SIAE: variants seen among roughly 807,000 people sequenced by gnomAD.
SIAE encodes sialate O-acetylesterase.
SIAE carries 39 observed loss-of-function variants against 52.6 expected under a neutral mutation model. That is an observed-to-expected ratio of 0.74 (90% CI 0.57 to 0.97). SIAE has a LOEUF of 0.97. Among genes scored for constraint, SIAE ranks in the 50% least tolerant of loss-of-function variants. SIAE has a pLI of 0.00. For synonymous variants in SIAE, 233 were observed against 241.4 expected, an observed-to-expected ratio of 0.97 and a Z score of 0.32; for missense variants, 592 against 662.1, an observed-to-expected ratio of 0.89 and a Z score of 1.16.
chr11:124,669,566 A>G (rs373618005), intron 1 of SIAE, 45 bp from the exon 2 acceptor site: 1 of 1,560,782 alleles, frequency 6.4e-7, no homozygotes, highest in African/African-American at 1.4e-5. Flanking sequence ...TCGGAGAGAT[A>G]TAGCACCAAC....
chr11:124,666,340 T>G (rs993016956), intron 2 of SIAE, among the ~76,000 whole-genome samples: 10 of 152,170 alleles, frequency 6.6e-5, no homozygotes, highest in African/African-American at 2.4e-4. Flanking sequence ...CCCTCCAATA[T>G]TCTCTGTGGT....
intron 7 of SIAE, among the ~76,000 whole-genome samples, chr11:124,644,353 G>GAAAAAA (rs370589585): frequency 9.8e-6 from 1 of 102,156 alleles, no homozygotes; most frequent in Non-Finnish European, 2.1e-5. Flanking sequence ...TCTGTGGTGA[G>GAAAAAA]AAAAAAAAAA....
At chr11:124,651,240 A>G (rs758349869) in intron 4 of SIAE, among the ~76,000 whole-genome samples, 22 of 152,098 alleles carry the variant, frequency 1.4e-4, no homozygotes, top group Non-Finnish European at 2.8e-4. Context: ...TCATAGGTCT[A>G]TTAGTTGATA....
intron 3 of SIAE, among the ~76,000 whole-genome samples, chr11:124,658,568 CTTA>C (rs1041368370): frequency 2.0e-5 from 3 of 152,174 alleles, no homozygotes; most frequent in Non-Finnish European, 4.4e-5. Flanking sequence ...CCTACCCTGA[CTTA>C]GGAGGCGACA....
intron 4 of SIAE, 189 bp downstream of exon 4, chr11:124,654,463 GGAA>G (rs1943065019): frequency 1.0e-6 from 1 of 985,312 alleles, no homozygotes; most frequent in Non-Finnish European, 1.2e-6. Context: ...ACAGCAAGAG[GGAA>G]GATTTGTTGG....
rs1175741324 is a variant in SIAE at position 124,645,806 on chromosome 11, AG to A, written c.966+1558del. ...AGGAGCTGCTACTTTGAAAATAATG[AG>A]CAGAATAATCTTATTTCAAAGTCAG... On this transcript the variant is annotated intron_variant, in intron 7 of 9. Transcript: ENST00000263593. The surrounding 1 kb of genome is among the most constrained non-coding windows in gnomAD (Gnocchi z 4.7). Among the ~76,000 whole-genome samples the A allele has an allele frequency of 6.6e-6, 1 of 152,230 alleles. No individual in the cohort carries two copies. Among genetic ancestry groups the A allele is most frequent in the Non-Finnish European group, 1.5e-5 (1 of 68,044 alleles).
At chr11:124,638,794 T>C (rs1942795340) in intron 8 of SIAE, 57 bp from the exon 9 acceptor site, 1 of 1,417,180 alleles carries the variant, frequency 7.1e-7, no homozygotes, top group Admixed American at 1.7e-5. Context: ...ATCACCACAT[T>C]TTTTTAAAAG....
Position 124,673,700 on chromosome 11 carries a change from C to A in SIAE, c.9G>T (p.Ala3=), listed in dbSNP as rs770643480. 4.3e-6 allele frequency: 7 copies of A among 1,613,408 alleles called. No homozygotes were observed. In the Admixed American group the frequency reaches 5.0e-5, roughly 12 times the overall value. MV[A]PGLVLGLVLP... ...GCACCAGCCCGAGTACAAGCCCCGG[C>A]GCGACCATGCTTGCAAGGATCTGAC... Residue 3 remains alanine (A), a synonymous_variant, in exon 1 of 10, where the codon GCG becomes GCT. Transcript: ENST00000263593.
chr11:124,673,838 C>G (rs1435281475), upstream of SIAE: 2 of 919,972 alleles, frequency 2.2e-6, no homozygotes, highest in African/African-American at 3.5e-5. Context: ...CAGGACTGGG[C>G]TGTACTCGCC....
At chr11:124,658,383 C>T (rs1430779650) in intron 3 of SIAE, among the ~76,000 whole-genome samples, 1 of 151,594 alleles carries the variant, frequency 6.6e-6, no homozygotes, top group Non-Finnish European at 1.5e-5. Context: ...AAGCCAGCCT[C>T]ATAAGTCCTG....
upstream of SIAE, chr11:124,675,919 T>C (rs948670076): frequency 2.6e-5 from 4 of 152,942 alleles, no homozygotes; most frequent in African/African-American, 7.2e-5. Context: ...TATATGAAAC[T>C]GTTCTGCAAT....
Position 124,636,892 on chromosome 11 carries a change from TA to T in SIAE, c.*58del, listed in dbSNP as rs1386251359. On this transcript the variant is annotated 3_prime_UTR_variant, in exon 10 of 10. Transcript: ENST00000263593. ...AAGCAATGGTTATTATTGAAACTCC[TA>T]AATGCTAAAATCTGAAGGACCCATC... 1.2e-5 allele frequency: 19 copies of T among 1,611,670 alleles called. No homozygotes were observed. Among genetic ancestry groups the T allele is most frequent in the Middle Eastern group, 3.7e-4 (2 of 5,446 alleles).
intron 3 of SIAE, chr11:124,660,310 A>G (rs569157242): frequency 2.0e-5 from 7 of 345,550 alleles, no homozygotes; most frequent in Non-Finnish European, 2.2e-5. Context: ...AAAAAAAAAA[A>G]AGCAAGAAAA....
chr11:124,651,871 G>A lies in SIAE; in HGVS notation c.545-2075C>T, dbSNP rs564839677. ...ACATGATGGAGAGTCAGTGTTTGCT[G>A]ACTGATTGAGGGTGGCTGTGGTTTC... On this transcript the variant is annotated intron_variant, in intron 4 of 9. Transcript: ENST00000263593. Among the ~76,000 whole-genome samples, 6 of 152,272 alleles carry A rather than the reference G, an allele frequency of 3.9e-5. No individual in the cohort carries two copies. The South Asian group carries it at 6.2e-4, about 16-fold the overall frequency.
chr11:124,638,771 T>G (rs969978486), intron 8 of SIAE, 34 bp from the exon 9 acceptor site: 1 of 1,572,928 alleles, frequency 6.4e-7, no homozygotes, highest in South Asian at 1.1e-5. Context: ...GAACTTTGGG[T>G]TTAAGCTCAA....
intron 2 of SIAE, among the ~76,000 whole-genome samples, chr11:124,665,293 T>G (rs564846297): frequency 1.3e-5 from 2 of 152,346 alleles, no homozygotes; most frequent in Non-Finnish European, 1.5e-5. Flanking sequence ...TTAAAGTCCC[T>G]AATCATTTCA....
intron 2 of SIAE, 42 bp downstream of exon 2, chr11:124,669,318 G>A (rs1303177728): frequency 6.2e-7 from 1 of 1,610,296 alleles, no homozygotes. Flanking sequence ...CCAGCAGGTG[G>A]CAGAAGAGGG....
chr11:124,637,329 A>C (rs1025399236), intron 9 of SIAE, 127 bp from the exon 10 acceptor site: 9 of 1,353,952 alleles, frequency 6.6e-6, no homozygotes, highest in African/African-American at 1.4e-5. Flanking sequence ...CTACTCCTAC[A>C]GTAAGCAGAA....
chr11:124,650,163 G>A (rs887461603), intron 4 of SIAE, among the ~76,000 whole-genome samples: 6 of 152,130 alleles, frequency 3.9e-5, no homozygotes, highest in South Asian at 2.1e-4. Context: ...ATATGATAGC[G>A]ATTTTGCTCT....
Sources: allele counts gnomAD v4.1 joint callset (sites outside exome capture counted in the v4.1 genomes callset), GRCh38; gene constraint gnomAD v4.1.1; non-coding constraint Gnocchi (gnomAD v3.1); transcripts MANE v1.5; gene names NCBI Gene and HGNC (gene_info 2026-07-23, HGNC 2026-07-21).